Variants in SYNE3 observed in about 807,000 individuals in gnomAD.
SYNE3 encodes the protein spectrin repeat containing nuclear envelope family member 3.
SYNE3 carries 100 observed loss-of-function variants against 111.2 expected under a neutral mutation model. The observed-to-expected ratio is 0.90, with a 90% confidence interval of 0.77 to 1.06. The LOEUF (loss-of-function observed/expected upper bound fraction) is 1.06, where lower values mean the gene tolerates loss of function less well. Among genes scored for constraint, SYNE3 ranks in the 50% least tolerant of loss-of-function variants. The pLI, the probability that SYNE3 is intolerant of heterozygous loss-of-function variation, is 0.00. For missense variants in SYNE3, 1,160 were observed against 1,240.3 expected (o/e 0.94, Z 0.97); for synonymous variants, 547 against 533.9 (o/e 1.02, Z -0.34).
chr14:95,500,882 G>A lies in SYNE3; in HGVS notation c.-15+15714C>T, dbSNP rs1180524337. ...TACTCCCAGTGGGGGATCGGGGGCG[G>A]TGAAGCGGGAGGGACACACGCTTGC... On this transcript the variant is annotated intron_variant, in intron 1 of 17. Coordinates refer to ENST00000682763, the MANE Select transcript of SYNE3 (RefSeq NM_152592.6). The surrounding 1 kb of genome is among the most constrained non-coding windows in gnomAD (Gnocchi z 4.7). Among the ~76,000 whole-genome samples, 1 of 152,204 alleles carries A rather than the reference G, an allele frequency of 6.6e-6. No homozygotes were observed. Among genetic ancestry groups the A allele is most frequent in the East Asian group, 1.9e-4 (1 of 5,200 alleles).
chr14:95,461,956 A>T (rs17092408), intron 4 of SYNE3, among the ~76,000 whole-genome samples: 2,278 of 152,316 alleles, frequency 0.015, 27 homozygotes, highest in Non-Finnish European at 0.022. Flanking sequence ...GACACCCAGG[A>T]GGTCAATGCC....
At chr14:95,424,612 A>C (rs1209083) in intron 17 of SYNE3, among the ~76,000 whole-genome samples, 112,072 of 152,066 alleles carry the variant, frequency 0.74, 41,825 homozygotes, top group Non-Finnish European at 0.82. Context: ...CATGCTGACG[A>C]CATGTGTCTC....
chr14:95,458,303 C>G (rs1320470748), intron 4 of SYNE3, among the ~76,000 whole-genome samples: 1 of 152,146 alleles, frequency 6.6e-6, no homozygotes, highest in Non-Finnish European at 1.5e-5. Context: ...GGTTGGGATC[C>G]CACTGCCTGT....
chr14:95,467,612 C>T (rs1038856914), intron 3 of SYNE3, among the ~76,000 whole-genome samples, 183 bp downstream of exon 3: 1 of 152,238 alleles, frequency 6.6e-6, no homozygotes, highest in South Asian at 2.1e-4. Context: ...TGTCTATTAT[C>T]ATCATTCAAC....
chr14:95,433,316 G>A lies in SYNE3; in HGVS notation c.2632C>T (p.Leu878=), dbSNP rs1885897421. 3.1e-6 allele frequency: 5 copies of A among 1,614,070 alleles called. No homozygotes were observed. The highest frequency in any genetic ancestry group is 3.4e-6 in the Non-Finnish European group (4 of 1,180,038). ...ARGTSDELED[L]RYQWMLYKSK... is the part of the protein sequence containing the mutation. ...TTGTACAGCATCCACTGGTAGCGCA[G>A]ATCTTCCAGCTCATCCGAGGTCCCC... Residue 878 remains leucine, a synonymous_variant, in exon 16 of 18, where the codon CTG becomes TTG. Transcript: ENST00000682763.
intron 1 of SYNE3, among the ~76,000 whole-genome samples, chr14:95,511,680 A>G (rs1890725597): frequency 6.6e-6 from 1 of 152,096 alleles, no homozygotes; most frequent in South Asian, 2.1e-4. Flanking sequence ...ACACCACTGC[A>G]CTCCAGCCTG....
At chr14:95,473,203 C>T (rs1888641758) in intron 2 of SYNE3, among the ~76,000 whole-genome samples, 1 of 152,190 alleles carries the variant, frequency 6.6e-6, no homozygotes, top group Non-Finnish European at 1.5e-5. Flanking sequence ...TGACTCCCCT[C>T]TGCCTGGACT....
intron 15 of SYNE3, among the ~76,000 whole-genome samples, chr14:95,434,898 C>G (rs1285018215): frequency 1.3e-5 from 2 of 152,212 alleles, no homozygotes; most frequent in African/African-American, 4.8e-5. Flanking sequence ...AGGTGATCCA[C>G]CCGCCTCAGC....
At chr14:95,479,224 C>CAAAAAAAAAA (rs71132351) in intron 1 of SYNE3, among the ~76,000 whole-genome samples, 1 of 86,300 alleles carries the variant, frequency 1.2e-5, no homozygotes, top group Admixed American at 1.7e-4. Context: ...TCGTCTCTAC[C>CAAAAAAAAAA]AAAAAAAAAA....
At chr14:95,494,182 G>A (rs114525027) in intron 1 of SYNE3, among the ~76,000 whole-genome samples, 1 of 152,096 alleles carries the variant, frequency 6.6e-6, no homozygotes, top group East Asian at 1.9e-4. Flanking sequence ...ACATCCAGAT[G>A]TGCCTGGCGC....
In SYNE3 at chr14:95,407,512, G is replaced by A. The variant is rs546221100; in HGVS notation, c.*10314C>T. 2.6e-5 allele frequency: 4 copies of A among 152,210 alleles called. No individual in the cohort carries two copies. The South Asian group carries it at 6.2e-4, about 24-fold the overall frequency. The allele number at this position is 152,210 out of a possible 1,614,324, so 9.4% of individuals were successfully genotyped here. ...ATTAGCTTTGGACTTGATATGAACC[G>A]AGATAACACACACATGTTCCGAGAC... On this transcript the variant is annotated 3_prime_UTR_variant, in exon 18 of 18. Transcript: ENST00000682763.
intron 1 of SYNE3, among the ~76,000 whole-genome samples, chr14:95,513,062 T>C (rs1273824060): frequency 6.6e-6 from 1 of 152,102 alleles, no homozygotes; most frequent in Non-Finnish European, 1.5e-5. Flanking sequence ...CAGCTTAACT[T>C]TGTGAAATAG....
chr14:95,430,566 G>T (rs887091196), intron 17 of SYNE3, among the ~76,000 whole-genome samples: 6 of 152,238 alleles, frequency 3.9e-5, no homozygotes, highest in African/African-American at 1.4e-4. Flanking sequence ...GCTCATGCCT[G>T]TAATCCCAGC....
Position 95,417,749 on chromosome 14 carries a change from C to T in SYNE3, c.*77G>A, listed in dbSNP as rs542325587. ...TTTGCCCTGCCCCTGTTTCCAGTTT[C>T]CCTGGCGAGCATCCTCAGGAGGGGC... On this transcript the variant is annotated 3_prime_UTR_variant, in exon 18 of 18. Transcript: ENST00000682763. 6.6e-7 allele frequency: 1 copy of T among 1,503,974 alleles called. No individual in the cohort carries two copies. Among genetic ancestry groups the T allele is most frequent in the Admixed American group, 1.7e-5 (1 of 59,770 alleles). 93.2% of individuals were successfully genotyped at this position (1,503,974 alleles called of 1,614,324 possible).
At chr14:95,506,349 T>C (rs562225486) in intron 1 of SYNE3, among the ~76,000 whole-genome samples, 36 of 152,366 alleles carry the variant, frequency 2.4e-4, no homozygotes, top group African/African-American at 6.5e-4. Flanking sequence ...CAGTTGCAGA[T>C]GGCTGGTGCT....
intron 1 of SYNE3, among the ~76,000 whole-genome samples, chr14:95,503,915 G>A (rs891382527): frequency 3.9e-5 from 6 of 152,174 alleles, no homozygotes; most frequent in Admixed American, 3.3e-4. Context: ...CACTGTGCCC[G>A]GCCAGACCTA....
chr14:95,408,047 C>G lies in SYNE3; in HGVS notation c.*9779G>C, dbSNP rs367636870. ...CGTCATCTGGGAGCAGCTTCAAAAA[C>G]ATTCTCAGCATCGCCCCAGACATCC... On this transcript the variant is annotated 3_prime_UTR_variant, in exon 18 of 18. Coordinates refer to ENST00000682763, the MANE Select transcript of SYNE3 (RefSeq NM_152592.6). The G allele has an allele frequency of 6.6e-6, 1 of 152,200 alleles. No homozygotes were observed. Among genetic ancestry groups the G allele is most frequent in the Non-Finnish European group, 1.5e-5 (1 of 68,036 alleles). 9.4% of individuals were successfully genotyped at this position (152,200 alleles called of 1,614,324 possible).
rs1336568531 is a variant in SYNE3 at position 95,418,026 on chromosome 14, T to TCTG, written c.2728-3_2728-1dup (p.Lys909_Thr910insGln). On this transcript the variant is annotated inframe_insertion and splice_region_variant. Transcript: ENST00000682763. Reference sequence around the variant, plus strand: ...GAGCCCAGTCCTCGCCACCGCCGAGTCTGCGGAACCAACACAGCACAGGTG... The same window carrying TCTG: ...GAGCCCAGTCCTCGCCACCGCCGAGTCTGCTGCGGAACCAACACAGCACAGGTG... 4 of 1,608,150 alleles carry TCTG rather than the reference T, an allele frequency of 2.5e-6. No homozygotes were observed. In the African/African-American group the frequency reaches 5.3e-5, roughly 22 times the overall value.
At chr14:95,458,539 C>T (rs963915546) in intron 4 of SYNE3, among the ~76,000 whole-genome samples, 6 of 152,144 alleles carry the variant, frequency 3.9e-5, no homozygotes, top group African/African-American at 7.2e-5. Context: ...ACACCTCCAG[C>T]GGGTAACCAA....
Sources: allele counts gnomAD v4.1 joint callset (sites outside exome capture counted in the v4.1 genomes callset), GRCh38; gene constraint gnomAD v4.1.1; non-coding constraint Gnocchi (gnomAD v3.1); transcripts MANE v1.5; gene names NCBI Gene and HGNC (gene_info 2026-07-23, HGNC 2026-07-21).